The following UNC5B variants were observed in gnomAD, a reference collection of about 807,000 sequenced individuals.
UNC5B encodes the protein unc-5 netrin receptor B.
Under a neutral mutation model 103.7 loss-of-function variants are expected in UNC5B, and 56 were observed. That is an observed-to-expected ratio of 0.54 (90% CI 0.44 to 0.67). UNC5B has a LOEUF of 0.67. UNC5B is among the 30% of genes least tolerant of loss of function. UNC5B has a pLI of 0.00. For missense variants in UNC5B, 1,194 were observed against 1,284.5 expected, an observed-to-expected ratio of 0.93 and a Z score of 1.08; for synonymous variants, 577 against 542.0, an observed-to-expected ratio of 1.06 and a Z score of -0.90.
At chr10:71,242,665 G>C (rs949665777) in intron 1 of UNC5B, among the ~76,000 whole-genome samples, 1 of 152,212 alleles carries the variant, frequency 6.6e-6, no homozygotes, top group Non-Finnish European at 1.5e-5. Context: ...GAGGGTTGGC[G>C]GTCTGCCATG....
At chr10:71,297,017 C>T (rs1224308359) in intron 15 of UNC5B, among the ~76,000 whole-genome samples, 2 of 142,224 alleles carry the variant, frequency 1.4e-5, no homozygotes, top group Admixed American at 7.0e-5. Context: ...CCAGATATTC[C>T]GGCTGCACAG....
intron 1 of UNC5B, among the ~76,000 whole-genome samples, chr10:71,250,789 G>T (rs1189663341): frequency 6.6e-6 from 1 of 152,228 alleles, no homozygotes; most frequent in Non-Finnish European, 1.5e-5. Flanking sequence ...TTGGGGTAGA[G>T]ATTATAACTT....
chr10:71,299,435 G>C lies in UNC5B; in HGVS notation c.*158G>C. ...TTCCCCAACCCCCAGACCATGACCA[G>C]CCTTAGAAAATCCATGTACTCTGTT... is the stretch of plus-strand genomic sequence containing the variant. On this transcript the variant is annotated 3_prime_UTR_variant, in exon 17 of 17. Coordinates refer to ENST00000335350, the MANE Select transcript of UNC5B (RefSeq NM_170744.5). 1.2e-6 allele frequency: 1 copy of C among 860,730 alleles called. No individual in the cohort carries two copies. Among genetic ancestry groups the C allele is most frequent in the Non-Finnish European group, 1.8e-6 (1 of 567,728 alleles). The allele number at this position is 860,730 out of a possible 1,614,324, so 53.3% of individuals were successfully genotyped here.
chr10:71,239,775 C>T (rs1006495519), intron 1 of UNC5B, among the ~76,000 whole-genome samples: 5 of 152,166 alleles, frequency 3.3e-5, no homozygotes, highest in Non-Finnish European at 5.9e-5. Flanking sequence ...TGCCAGAGGG[C>T]CCCTGGGTGA....
At chr10:71,276,680 C>A (rs1844779232) in intron 1 of UNC5B, among the ~76,000 whole-genome samples, 1 of 152,238 alleles carries the variant, frequency 6.6e-6, no homozygotes, top group Admixed American at 6.5e-5. Context: ...GCAGTCCACC[C>A]ACCTCGGCCT....
At chr10:71,216,084 C>T (rs542097456) in intron 1 of UNC5B, among the ~76,000 whole-genome samples, 7 of 152,260 alleles carry the variant, frequency 4.6e-5, no homozygotes, top group Non-Finnish European at 8.8e-5. Context: ...CCCTCTTTTC[C>T]AATCCATTTA....
At position 71,223,886 on chromosome 10, in the gene UNC5B, C is replaced by T. The variant is rs374476768; in HGVS notation, c.79+10822C>T. On this transcript the variant is annotated intron_variant, in intron 1 of 16. Transcript: ENST00000335350. ...CATGGCCAGATCTGACTCCAGGCCT[C>T]AGCCCTCTATAGCAACTGCTACCAG... is the stretch of plus-strand genomic sequence containing the variant. Among the ~76,000 whole-genome samples the T allele has an allele frequency of 1.3e-3, 193 of 152,376 alleles. No homozygotes were observed. In the Middle Eastern group the frequency reaches 0.017, roughly 13 times the overall value.
Position 71,291,803 on chromosome 10 carries a change from C to T in UNC5B, c.1666C>T (p.Leu556Phe), listed in dbSNP as rs764273504. The T allele has an allele frequency of 5.0e-6, 8 of 1,600,138 alleles. No homozygotes were observed. In the South Asian group the frequency reaches 8.9e-5, roughly 18 times the overall value. ...CACCTTTGGCTGCCTGGGTGGGAGG[C>T]TCAGCATCCCCGGCACAGGTGAGCC... ...SGTFGCLGGRLSIPGTGVSLL... is the reference protein window; with the variant it reads ...SGTFGCLGGRFSIPGTGVSLL... The change falls in exon 10 of 17, where the codon CTC (leucine) becomes TTC (phenylalanine). Residue 556 changes from leucine (L) to phenylalanine (F), a missense_variant. Transcript: ENST00000335350.
intron 1 of UNC5B, among the ~76,000 whole-genome samples, chr10:71,238,960 A>G (rs1390847139): frequency 1.3e-5 from 2 of 152,152 alleles, no homozygotes; most frequent in African/African-American, 4.8e-5. Flanking sequence ...TAGAGGCTTT[A>G]GACGAGGGAG....
chr10:71,229,273 CA>C (rs1038105025), intron 1 of UNC5B, among the ~76,000 whole-genome samples: 4 of 152,180 alleles, frequency 2.6e-5, no homozygotes, highest in Non-Finnish European at 5.9e-5. Context: ...CAACAAGCCC[CA>C]GGGGCAGATC....
In UNC5B at chr10:71,296,656, G is replaced by C. The variant is rs750342196; in HGVS notation, c.2404G>C (p.Ala802Pro). 6.2e-7 allele frequency: 1 copy of C among 1,614,130 alleles called. No homozygotes were observed. Among genetic ancestry groups the C allele is most frequent in the Non-Finnish European group, 8.5e-7 (1 of 1,180,042 alleles). Reference protein sequence around the residue: ...CTFTLERHSLASTELTCKICV... With the variant: ...CTFTLERHSLPSTELTCKICV... ...TTTCACCCTGGAGAGGCACAGCTTG[G>C]CCTCCACAGAGCTCACCTGCAAGAT... Residue 802 changes from alanine (A) to proline (P), a missense_variant, in exon 15 of 17, where the codon GCC becomes CCC. Ala to Pro is a conservative substitution (Grantham distance 27). Coordinates refer to ENST00000335350, the MANE Select transcript of UNC5B (RefSeq NM_170744.5).
Position 71,302,844 on chromosome 10 carries a change from A to G in UNC5B, c.*3567A>G, listed in dbSNP as rs1045089152. ...AAAATTAATTTTTATGAAATAAATT[A>G]TATTTCCTAGTCTAATAAAATCCGG... On this transcript the variant is annotated 3_prime_UTR_variant, in exon 17 of 17. Coordinates refer to ENST00000335350, the MANE Select transcript of UNC5B (RefSeq NM_170744.5). The G allele has an allele frequency of 3.3e-5, 5 of 152,232 alleles. No homozygotes were observed. Among genetic ancestry groups the G allele is most frequent in the Non-Finnish European group, 7.3e-5 (5 of 68,036 alleles). The allele number at this position is 152,232 out of a possible 1,614,324, so 9.4% of individuals were successfully genotyped here.
At chr10:71,216,753 T>G (rs1564702448) in intron 1 of UNC5B, among the ~76,000 whole-genome samples, 1 of 152,176 alleles carries the variant, frequency 6.6e-6, no homozygotes, top group African/African-American at 2.4e-5. Context: ...CTACGCCCCA[T>G]TCCCTGAGCC....
intron 13 of UNC5B, among the ~76,000 whole-genome samples, chr10:71,295,150 G>A (rs920982743): frequency 1.3e-5 from 2 of 152,238 alleles, no homozygotes; most frequent in Non-Finnish European, 2.9e-5. Flanking sequence ...AGTGTCCCCT[G>A]CTGGGAGGAC....
chr10:71,299,537 G>A lies in UNC5B; in HGVS notation c.*260G>A. The A allele has an allele frequency of 2.5e-6, 1 of 402,932 alleles. No individual in the cohort carries two copies. Among genetic ancestry groups the A allele is most frequent in the Non-Finnish European group, 4.5e-6 (1 of 223,664 alleles). The allele number at this position is 402,932 out of a possible 1,614,324, so 25.0% of individuals were successfully genotyped here. ...GAGATCTCTGTGCAGGAACCAAGAT[G>A]GGGCTGAAGCCTCTGGAGGCAGTTG... On this transcript the variant is annotated 3_prime_UTR_variant, in exon 17 of 17. Coordinates refer to ENST00000335350, the MANE Select transcript of UNC5B (RefSeq NM_170744.5).
chr10:71,297,894 C>T lies in UNC5B; in HGVS notation c.2491-15C>T. On this transcript the variant is annotated splice_polypyrimidine_tract_variant and intron_variant, in intron 15 of 16. Transcript: ENST00000335350. ...AGCACTGTGCCCCTCTCACTCTTGG[C>T]CCCCACCCTTGCAGACACCTGCTGG... is the stretch of plus-strand genomic sequence containing the variant. The T allele has an allele frequency of 6.2e-7, 1 of 1,604,992 alleles. No individual in the cohort carries two copies. Among genetic ancestry groups the T allele is most frequent in the Non-Finnish European group, 8.5e-7 (1 of 1,176,070 alleles).
chr10:71,288,475 C>G, intron 6 of UNC5B, 93 bp from the exon 7 acceptor site: 1 of 1,507,826 alleles, frequency 6.6e-7, no homozygotes, highest in Non-Finnish European at 8.9e-7. Context: ...TGTATGCATG[C>G]ATGTGTGTTG....
chr10:71,212,661 G>T lies in UNC5B; in HGVS notation c.-325G>T, dbSNP rs1843250486. 4.5e-6 allele frequency: 1 copy of T among 220,310 alleles called. No homozygotes were observed. Among genetic ancestry groups the T allele is most frequent in the Non-Finnish European group, 8.9e-6 (1 of 112,818 alleles). The allele number at this position is 220,310 out of a possible 1,614,324, so 13.6% of individuals were successfully genotyped here. ...CGCGCACTGGGGCTGGGACTGCGCG[G>T]CGCCGCCGCTGCGAGCGCCACTGAG... is the stretch of plus-strand genomic sequence containing the variant. On this transcript the variant is annotated 5_prime_UTR_variant, in exon 1 of 17. Coordinates refer to ENST00000335350, the MANE Select transcript of UNC5B (RefSeq NM_170744.5).
At chr10:71,255,864 C>A (rs1401231977) in intron 1 of UNC5B, among the ~76,000 whole-genome samples, 1 of 152,188 alleles carries the variant, frequency 6.6e-6, no homozygotes, top group Non-Finnish European at 1.5e-5. Context: ...CAACAAAAGG[C>A]AAGAGCATAG....
Sources: gnomAD v4.1 joint callset for allele counts (sites outside exome capture counted in the v4.1 genomes callset) on GRCh38, gnomAD v4.1.1 for gene constraint, MANE v1.5 for transcripts, NCBI Gene and HGNC (gene_info 2026-07-23, HGNC 2026-07-21) for gene names.